DEAF1: variants seen among roughly 807,000 people sequenced by gnomAD.
DEAF1 encodes the protein DEAF1 transcription factor.
A neutral mutation model predicts 58.9 loss-of-function variants in DEAF1; 53 were observed. The observed-to-expected ratio is 0.90, with a 90% CI of 0.72 to 1.13. The LOEUF is 1.13. Ranked by LOEUF, DEAF1 falls within the 50% of genes most tolerant of loss-of-function variation. DEAF1 has a pLI of 0.00. For synonymous variants in DEAF1, 385 were observed against 340.4 expected (o/e 1.13, Z -1.44); for missense variants, 685 against 791.4 (o/e 0.87, Z 1.61).
chr11:658,346 A>G (rs1399806787), intron 10 of DEAF1, among the ~76,000 whole-genome samples: 4 of 152,188 alleles, frequency 2.6e-5, no homozygotes, highest in Non-Finnish European at 5.9e-5. Context: ...GGAGAATGGC[A>G]TGAACCCAGG....
In DEAF1 at chr11:654,685, G is replaced by A. The variant is rs1194287767; in HGVS notation, c.1504-634C>T. On this transcript the variant is annotated intron_variant, in intron 10 of 11. Transcript: ENST00000382409. ...AGGTCAGGAGTTCAGCACAGGCAACGTTGCGAAACCCAGTCTCTACTAAAA... is the reference window on the plus strand; with the variant it reads ...AGGTCAGGAGTTCAGCACAGGCAACATTGCGAAACCCAGTCTCTACTAAAA... 1.3e-5 allele frequency: 6 copies of A among 451,996 alleles called. 1 individual carries two copies. The highest frequency in any genetic ancestry group is 3.3e-4 in the Middle Eastern group (1 of 3,032). 28.0% of individuals were successfully genotyped at this position (451,996 alleles called of 1,614,324 possible). A position where few individuals can be genotyped will look rare whatever the true frequency, so the allele number is the denominator to read the frequency against.
At chr11:684,990 A>G (rs1485680462) in intron 5 of DEAF1, 27 bp from the exon 6 acceptor site, 2 of 1,543,872 alleles carry the variant, frequency 1.3e-6, no homozygotes, top group East Asian at 4.9e-5. Flanking sequence ...ACCACCATGC[A>G]TTAGCAAGTC....
chr11:702,955 C>G, intron 1 of DEAF1: 1 of 1,608,016 alleles, frequency 6.2e-7, no homozygotes. Context: ...GCACCAGGGG[C>G]AACCTGACAG....
chr11:653,872 C>G (rs1360570452), intron 11 of DEAF1, 90 bp downstream of exon 11: 1 of 1,143,122 alleles, frequency 8.7e-7, no homozygotes, highest in Non-Finnish European at 1.3e-6. Context: ...AGGTGTGGCA[C>G]CAGGAGCACA....
chr11:702,089 CT>C (rs1396624827), intron 1 of DEAF1, among the ~76,000 whole-genome samples: 7 of 152,220 alleles, frequency 4.6e-5, no homozygotes, highest in African/African-American at 1.7e-4. Flanking sequence ...AGATACACCC[CT>C]GATGCCTGAT....
At chr11:701,406 C>CTTTTTTT (rs71022955) in intron 1 of DEAF1, among the ~76,000 whole-genome samples, 3 of 64,898 alleles carry the variant, frequency 4.6e-5, no homozygotes, top group African/African-American at 6.2e-5. Flanking sequence ...GACAAGGTTT[C>CTTTTTTT]TTTTTTTTTT....
At chr11:704,226 C>A in intron 1 of DEAF1, 2 of 909,428 alleles carry the variant, frequency 2.2e-6, no homozygotes, top group Non-Finnish European at 2.9e-6. Context: ...TCCTGGCTGG[C>A]CTCGCCCTCG....
chr11:648,889 G>A (rs1470909269), intron 11 of DEAF1, among the ~76,000 whole-genome samples: 2 of 152,198 alleles, frequency 1.3e-5, no homozygotes, highest in Non-Finnish European at 2.9e-5. Flanking sequence ...TGAAAGAACA[G>A]AGGAGCAAAA....
chr11:701,473 T>C (rs539815171), intron 1 of DEAF1, among the ~76,000 whole-genome samples: 29 of 141,412 alleles, frequency 2.1e-4, no homozygotes, highest in Non-Finnish European at 3.5e-4. Context: ...TGCAGTGGCG[T>C]GAACTTGGCT....
At position 702,978 on chromosome 11, in the gene DEAF1, C is replaced by T. The variant is rs150931153; in HGVS notation, c.-438+3594G>A. ...GGCAACCTGACAGAGGCTGAGAGGC[C>T]GCTGGCCGCCAGCCTGGCCCTCACG... On this transcript the variant is annotated intron_variant, in intron 1 of 11. Coordinates refer to the DEAF1 transcript ENST00000683307. 2.5e-5 allele frequency: 40 copies of T among 1,610,158 alleles called. No individual in the cohort carries two copies. Among genetic ancestry groups the T allele is most frequent in the Middle Eastern group, 2.0e-4 (1 of 5,006 alleles).
At chr11:703,258 C>T in intron 1 of DEAF1, 1 of 1,454,582 alleles carries the variant, frequency 6.9e-7, no homozygotes, top group African/African-American at 1.4e-5. Flanking sequence ...TTCCTAGTGA[C>T]TGGCCATAGA....
chr11:707,074 C>T (rs928430207), exon 1 of DEAF1, among the ~76,000 whole-genome samples: 1 of 151,984 alleles, frequency 6.6e-6, no homozygotes, highest in Non-Finnish European at 1.5e-5. Context: ...AGTCCTGGGT[C>T]GGCTGTGCTG....
chr11:704,659 C>T (rs143491975), intron 1 of DEAF1: 22 of 1,287,776 alleles, frequency 1.7e-5, no homozygotes, highest in East Asian at 5.6e-5. Flanking sequence ...GATCCTGATA[C>T]CTCCAGTCTC....
intron 10 of DEAF1, among the ~76,000 whole-genome samples, chr11:667,226 G>T (rs1451573740): frequency 6.6e-6 from 1 of 151,994 alleles, no homozygotes; most frequent in African/African-American, 2.4e-5. Flanking sequence ...GGAGGCTAAG[G>T]GAAGATCACC....
intron 10 of DEAF1, among the ~76,000 whole-genome samples, chr11:670,925 G>A (rs2133352672): frequency 1.3e-5 from 1 of 78,778 alleles, no homozygotes; most frequent in African/African-American, 8.4e-5. Context: ...ACCACACCTG[G>A]CTAATGTTTT....
Position 694,761 on chromosome 11 carries a change from G to A in DEAF1, c.287C>T (p.Ala96Val). ...PDEAAAAAAF[A>V]EVTTVTVANV... ...GAGAGGCCGGCGGGCGCACTTGCCT[G>A]CGAAGGCTGCGGCAGCGGCGGCCTC... The change falls in exon 1 of 12, where the codon GCA (alanine) becomes GTA (valine). Residue 96 changes from alanine (A) to valine (V), a missense_variant and splice_region_variant. Ala to Val is a moderately conservative substitution (Grantham distance 64). This residue lies in a region of DEAF1 where 210 missense variants were observed against 177.3 expected (regional missense o/e 1.18). Transcript: ENST00000382409. 7.7e-7 allele frequency: 1 copy of A among 1,301,578 alleles called. No homozygotes were observed. Among genetic ancestry groups the A allele is most frequent in the Non-Finnish European group, 9.7e-7 (1 of 1,030,198 alleles). The allele number at this position is 1,301,578 out of a possible 1,614,324, so 80.6% of individuals were successfully genotyped here.
upstream of DEAF1, among the ~76,000 whole-genome samples, chr11:696,598 A>AT (rs1263674010): frequency 6.6e-6 from 1 of 151,636 alleles, no homozygotes; most frequent in Non-Finnish European, 1.5e-5. Context: ...GACCCCCTCT[A>AT]TAAAAAAAAA....
intron 10 of DEAF1, among the ~76,000 whole-genome samples, chr11:671,578 A>T (rs142954990): frequency 2.0e-4 from 31 of 151,972 alleles, no homozygotes; most frequent in African/African-American, 7.2e-4. Flanking sequence ...TTCTTCCTTG[A>T]AAGAAAATTA....
At chr11:704,091 C>T (rs938395362) in intron 1 of DEAF1, 8 of 1,105,076 alleles carry the variant, frequency 7.2e-6, no homozygotes, top group South Asian at 5.7e-5. Flanking sequence ...TTCTCTTCAC[C>T]GCATTTTGTA....
Sources: allele counts gnomAD v4.1 joint callset (sites outside exome capture counted in the v4.1 genomes callset), GRCh38; gene constraint gnomAD v4.1.1; regional missense constraint gnomAD v4.1.1; transcripts MANE v1.5; gene names NCBI Gene and HGNC (gene_info 2026-07-23, HGNC 2026-07-21).